The following SFXN1 variants were observed in gnomAD, a reference collection of about 807,000 sequenced individuals.
SFXN1 encodes sideroflexin-1.
Under a neutral mutation model 39.5 loss-of-function variants are expected in SFXN1, and 32 were observed. The ratio of observed to expected loss-of-function variants is 0.81; its 90% confidence interval spans 0.61 to 1.09. The LOEUF (loss-of-function observed/expected upper bound fraction) is 1.09, where lower values mean the gene tolerates loss of function less well. Ranked by LOEUF, SFXN1 falls within the 50% of genes least tolerant of loss-of-function variation. The probability of loss-of-function intolerance (pLI) is 0.00; values close to 1 mark genes in which losing one functional copy is unlikely to be tolerated. For missense variants in SFXN1, 402 were observed against 407.1 expected, an observed-to-expected ratio of 0.99 and a Z score of 0.11; for synonymous variants, 136 against 146.5, an observed-to-expected ratio of 0.93 and a Z score of 0.52.
intron 2 of SFXN1, among the ~76,000 whole-genome samples, chr5:175,503,145 G>A (rs187038403): frequency 7.2e-5 from 11 of 152,136 alleles, no homozygotes; most frequent in African/African-American, 1.4e-4. Flanking sequence ...CCACAATTCC[G>A]GGGCGGTTAC....
chr5:175,492,636 A>G (rs1298960015), intron 2 of SFXN1: 1 of 166,282 alleles, frequency 6.0e-6, no homozygotes, highest in Non-Finnish European at 1.3e-5. Flanking sequence ...ATGCAAAAAC[A>G]AATTGCCAAG....
rs1298691381 is a variant in SFXN1 at position 175,492,253 on chromosome 5, A to G, written c.150A>G (p.Ile50Met). ...AACAACTCGAGAGTGCGAGAAAAAT[A>G]GTACATGATTACAGGTAACATTAAT... ...TNEQLESARK[I>M]VHDYRQGIVP... The change falls in exon 2 of 11, where the codon ATA becomes ATG. Residue 50 changes from isoleucine (I) to methionine (M), a missense_variant. Ile to Met is a conservative substitution (Grantham distance 10, BLOSUM62 1). Coordinates refer to ENST00000321442, the MANE Select transcript of SFXN1 (RefSeq NM_022754.7). 2.5e-6 allele frequency: 4 copies of G among 1,611,602 alleles called. No individual in the cohort carries two copies. Among genetic ancestry groups the G allele is most frequent in the Non-Finnish European group, 3.4e-6 (4 of 1,179,410 alleles).
At chr5:175,512,598 A>G (rs1760560731) in intron 6 of SFXN1, among the ~76,000 whole-genome samples, 1 of 152,222 alleles carries the variant, frequency 6.6e-6, no homozygotes, top group African/African-American at 2.4e-5. Flanking sequence ...TGGGGCTTAA[A>G]GTACATTATT....
At chr5:175,480,860 A>G (rs896909703) in intron 1 of SFXN1, among the ~76,000 whole-genome samples, 29 of 152,334 alleles carry the variant, frequency 1.9e-4, no homozygotes, top group African/African-American at 6.7e-4. Flanking sequence ...AGTGTGACCA[A>G]TTTTTCCTTT....
chr5:175,526,312 G>T (rs1043523179), intron 10 of SFXN1, among the ~76,000 whole-genome samples: 7 of 152,052 alleles, frequency 4.6e-5, no homozygotes, highest in Admixed American at 6.5e-5. Flanking sequence ...TTAGGAAGTG[G>T]CATTGCCACA....
At chr5:175,500,403 A>AAC (rs4008099) in intron 2 of SFXN1, among the ~76,000 whole-genome samples, 19,990 of 126,808 alleles carry the variant, frequency 0.16, 1,690 homozygotes, top group East Asian at 0.26. Flanking sequence ...CCTGTACACC[A>AAC]ACACACACAC....
intron 6 of SFXN1, 34 bp downstream of exon 6, chr5:175,512,230 T>C: frequency 1.3e-6 from 2 of 1,569,958 alleles, no homozygotes; most frequent in Non-Finnish European, 1.8e-6. Context: ...TAGGGACATG[T>C]GCTTGACAGG....
chr5:175,507,877 G>A (rs1056533479), intron 2 of SFXN1, among the ~76,000 whole-genome samples: 1 of 151,982 alleles, frequency 6.6e-6, no homozygotes, highest in African/African-American at 2.4e-5. Context: ...GGAAACTGAG[G>A]TGGGAGGATC....
At chr5:175,511,935 C>G (rs1760533080) in intron 5 of SFXN1, among the ~76,000 whole-genome samples, 176 bp from the exon 6 acceptor site, 1 of 152,244 alleles carries the variant, frequency 6.6e-6, no homozygotes, top group Admixed American at 6.5e-5. Flanking sequence ...GGTCCCAGCA[C>G]ACCCATGTGG....
chr5:175,510,059 C>G (rs752604612), intron 3 of SFXN1, 50 bp from the exon 4 acceptor site: 1 of 1,500,160 alleles, frequency 6.7e-7, no homozygotes, highest in Non-Finnish European at 9.2e-7. Flanking sequence ...TGTTCCATGC[C>G]GCGGCTGGGC....
intron 1 of SFXN1, among the ~76,000 whole-genome samples, chr5:175,485,763 T>A (rs1759427288): frequency 6.6e-6 from 1 of 152,182 alleles, no homozygotes. Context: ...GCGCTTCCAG[T>A]GCCAGGATTT....
At chr5:175,492,756 AT>A (rs1351545906) in intron 2 of SFXN1, among the ~76,000 whole-genome samples, 1 of 152,200 alleles carries the variant, frequency 6.6e-6, no homozygotes, top group Non-Finnish European at 1.5e-5. Context: ...GGGAATGCAG[AT>A]GTGGGATGCA....
intron 9 of SFXN1, 77 bp from the exon 10 acceptor site, chr5:175,522,298 T>C: frequency 1.4e-6 from 2 of 1,410,726 alleles, no homozygotes; most frequent in Non-Finnish European, 1.9e-6. Context: ...AAGGGATTGT[T>C]ATAAAAGTAA....
intron 2 of SFXN1, among the ~76,000 whole-genome samples, chr5:175,508,077 AGT>A (rs1369058175): frequency 6.6e-6 from 1 of 152,140 alleles, no homozygotes; most frequent in Non-Finnish European, 1.5e-5. Flanking sequence ...AATTGTTTAA[AGT>A]ATTTTAGAGT....
chr5:175,485,579 A>G (rs1759419690), intron 1 of SFXN1, among the ~76,000 whole-genome samples: 2 of 152,230 alleles, frequency 1.3e-5, no homozygotes, highest in African/African-American at 4.8e-5. Flanking sequence ...TAACTTAATC[A>G]TATCAGCAAA....
At position 175,510,765 on chromosome 5, in the gene SFXN1, C is replaced by A. The variant is rs925521994; in HGVS notation, c.434+558C>A. ...AAATAGGCTCACAAGATTAGTTAACCAAAAACGTTAGTTAGCATAATTGTA... is the reference window on the plus strand; with the variant it reads ...AAATAGGCTCACAAGATTAGTTAACAAAAAACGTTAGTTAGCATAATTGTA... On this transcript the variant is annotated intron_variant, in intron 4 of 10. Transcript: ENST00000321442. 2.6e-5 allele frequency among the ~76,000 whole-genome samples: 4 copies of A among 151,928 alleles called. No homozygotes were observed. The South Asian group carries it at 8.3e-4, about 32-fold the overall frequency.
At chr5:175,498,264 A>C (rs1327960646) in intron 2 of SFXN1, among the ~76,000 whole-genome samples, 1 of 152,240 alleles carries the variant, frequency 6.6e-6, no homozygotes, top group African/African-American at 2.4e-5. Flanking sequence ...GAATAATAGG[A>C]AAATAGTAAA....
In SFXN1 at chr5:175,506,358, A is replaced by G. The variant is rs370151576; in HGVS notation, c.165-2674A>G. ...AAATACGCGTACAAATTACATAAAT[A>G]ACAATGATGCTGCTGTGGATGGTAA... On this transcript the variant is annotated intron_variant, in intron 2 of 10. Coordinates refer to ENST00000321442, the MANE Select transcript of SFXN1 (RefSeq NM_022754.7). Among the ~76,000 whole-genome samples, 7 of 152,206 alleles carry G rather than the reference A, an allele frequency of 4.6e-5. No homozygotes were observed. In the East Asian group the frequency reaches 9.6e-4, roughly 21 times the overall value.
intron 2 of SFXN1, among the ~76,000 whole-genome samples, chr5:175,496,709 C>T (rs1759872462): frequency 6.6e-6 from 1 of 152,138 alleles, no homozygotes; most frequent in Non-Finnish European, 1.5e-5. Flanking sequence ...ATACCTGAAG[C>T]TTGCATGATG....
Sources: gnomAD v4.1 joint callset for allele counts (sites outside exome capture counted in the v4.1 genomes callset) on GRCh38, gnomAD v4.1.1 for gene constraint, MANE v1.5 for transcripts, NCBI Gene and HGNC (gene_info 2026-07-23, HGNC 2026-07-21) for gene names.